FAM78B: variants seen among roughly 807,000 people sequenced by gnomAD.
FAM78B encodes the protein protein FAM78B.
A neutral mutation model predicts 20.0 loss-of-function variants in FAM78B; 10 were observed. That is an observed-to-expected ratio of 0.50 (90% CI 0.31 to 0.85). FAM78B has a LOEUF of 0.85. Ranked by LOEUF, FAM78B falls within the 40% of genes least tolerant of loss-of-function variation. The probability of loss-of-function intolerance (pLI) is 0.05; values close to 1 mark genes in which losing one functional copy is unlikely to be tolerated. For synonymous variants in FAM78B, 135 were observed against 132.8 expected (o/e 1.02, Z -0.12); for missense variants, 283 against 345.0 (o/e 0.82, Z 1.42).
intron 1 of FAM78B, among the ~76,000 whole-genome samples, chr1:166,110,303 C>T (rs10918366): frequency 0.19 from 29,568 of 151,850 alleles, 3,271 homozygotes; most frequent in East Asian, 0.37. Flanking sequence ...GGATTTATCA[C>T]TGGCCCTGAT....
chr1:166,072,344 T>G (rs748812412), intron 1 of FAM78B, among the ~76,000 whole-genome samples: 14 of 152,188 alleles, frequency 9.2e-5, no homozygotes, highest in Admixed American at 1.3e-4. Context: ...CAAGAGCCTT[T>G]TTTCTTGTCA....
chr1:166,120,915 A>G (rs1359533053), intron 1 of FAM78B, among the ~76,000 whole-genome samples: 1 of 152,154 alleles, frequency 6.6e-6, no homozygotes, highest in African/African-American at 2.4e-5. Context: ...CCCTTCATCC[A>G]CTTGGCCAAA....
chr1:166,069,295 G>GCTC (rs1180615314), downstream of FAM78B, among the ~76,000 whole-genome samples: 1 of 96,378 alleles, frequency 1.0e-5, no homozygotes, highest in Non-Finnish European at 2.6e-5. Context: ...AAACTCAAAA[G>GCTC]AAACAGAATG....
chr1:166,165,489 G>A (rs1010883148), intron 1 of FAM78B, among the ~76,000 whole-genome samples: 6 of 152,102 alleles, frequency 3.9e-5, no homozygotes, highest in African/African-American at 1.2e-4. Flanking sequence ...CGAGGGCAAG[G>A]ACAGAACTAC....
At chr1:166,075,423 T>C (rs1331176172) in intron 1 of FAM78B, among the ~76,000 whole-genome samples, 2 of 151,720 alleles carry the variant, frequency 1.3e-5, no homozygotes, top group Non-Finnish European at 2.9e-5. Flanking sequence ...GTATGGCTGA[T>C]TGTGTGTGTG....
At chr1:166,137,010 G>C (rs1655089648) in intron 1 of FAM78B, among the ~76,000 whole-genome samples, 1 of 152,194 alleles carries the variant, frequency 6.6e-6, no homozygotes, top group Non-Finnish European at 1.5e-5. Flanking sequence ...GGAAAGAGAA[G>C]GGGCCTGAAC....
At chr1:166,144,905 T>C (rs1306452185) in intron 1 of FAM78B, among the ~76,000 whole-genome samples, 1 of 152,176 alleles carries the variant, frequency 6.6e-6, no homozygotes, top group Non-Finnish European at 1.5e-5. Context: ...CCCACTCCTC[T>C]GATTTCCTGT....
chr1:166,154,398 A>G (rs769023972), intron 1 of FAM78B, among the ~76,000 whole-genome samples: 1 of 152,178 alleles, frequency 6.6e-6, no homozygotes. Flanking sequence ...ATCTCCTGCC[A>G]TCTGTGACAG....
chr1:166,086,279 AC>A (rs550981434), intron 1 of FAM78B, among the ~76,000 whole-genome samples: 6 of 151,988 alleles, frequency 3.9e-5, no homozygotes, highest in African/African-American at 1.4e-4. Context: ...TCCCTCCCCC[AC>A]CATCCCCACA....
intron 1 of FAM78B, among the ~76,000 whole-genome samples, chr1:166,157,188 A>G (rs992187420): frequency 1.3e-5 from 2 of 151,954 alleles, no homozygotes; most frequent in African/African-American, 4.8e-5. Flanking sequence ...ACCCCTCTCC[A>G]GAGTCTGAAT....
intron 1 of FAM78B, among the ~76,000 whole-genome samples, chr1:166,126,164 A>G (rs965727228): frequency 6.6e-6 from 1 of 152,100 alleles, no homozygotes; most frequent in Non-Finnish European, 1.5e-5. Context: ...TTTTCTGAAT[A>G]TATTCAATCC....
intron 1 of FAM78B, among the ~76,000 whole-genome samples, chr1:166,103,881 C>A (rs1653650884): frequency 6.6e-6 from 1 of 152,136 alleles, no homozygotes; most frequent in South Asian, 2.1e-4. Flanking sequence ...GATACCAAAG[C>A]CTGGCAGAGA....
At chr1:166,114,115 T>C (rs1265699006) in intron 1 of FAM78B, among the ~76,000 whole-genome samples, 1 of 152,240 alleles carries the variant, frequency 6.6e-6, no homozygotes, top group African/African-American at 2.4e-5. Flanking sequence ...AGGCCTCCTC[T>C]GTGCACACTC....
At chr1:166,079,292 G>C (rs772554440) in intron 1 of FAM78B, among the ~76,000 whole-genome samples, 3 of 152,146 alleles carry the variant, frequency 2.0e-5, no homozygotes, top group Non-Finnish European at 4.4e-5. Context: ...TTCACACTGG[G>C]TAAGAAGTCT....
At chr1:166,140,148 A>G (rs1018858098) in intron 1 of FAM78B, among the ~76,000 whole-genome samples, 3 of 152,238 alleles carry the variant, frequency 2.0e-5, no homozygotes, top group African/African-American at 7.2e-5. Flanking sequence ...TGGCCTGGAC[A>G]TTCCAGGAGC....
chr1:166,089,885 C>T (rs568967781), intron 1 of FAM78B, among the ~76,000 whole-genome samples: 1 of 152,214 alleles, frequency 6.6e-6, no homozygotes, highest in South Asian at 2.1e-4. Context: ...AGCAGCTTTC[C>T]CTCAGTGGTA....
intron 1 of FAM78B, among the ~76,000 whole-genome samples, chr1:166,100,549 C>G (rs2101746415): frequency 6.6e-6 from 1 of 152,338 alleles, no homozygotes; most frequent in East Asian, 1.9e-4. Flanking sequence ...GATTATATCC[C>G]ATGCATGGCT....
chr1:166,101,615 T>G (rs971780655), intron 1 of FAM78B, among the ~76,000 whole-genome samples: 1 of 152,150 alleles, frequency 6.6e-6, no homozygotes, highest in South Asian at 2.1e-4. Flanking sequence ...TATCAGTGAT[T>G]GAAGATCAAA....
At chr1:166,123,387 T>A (rs1465432735) in intron 1 of FAM78B, among the ~76,000 whole-genome samples, 2 of 152,212 alleles carry the variant, frequency 1.3e-5, no homozygotes, top group African/African-American at 4.8e-5. Flanking sequence ...CCATTCCTAC[T>A]TCAATGACCT....
Sources: allele counts gnomAD v4.1 joint callset (sites outside exome capture counted in the v4.1 genomes callset), GRCh38; gene constraint gnomAD v4.1.1; transcripts MANE v1.5; gene names NCBI Gene and HGNC (gene_info 2026-07-23, HGNC 2026-07-21).